The following DPP10 variants were observed in gnomAD, a reference collection of about 807,000 sequenced individuals.
DPP10 encodes dipeptidyl peptidase like 10, also known as inactive dipeptidyl peptidase 10.
A neutral mutation model predicts 120.9 loss-of-function variants in DPP10; 33 were observed. That is an observed-to-expected ratio of 0.27 (90% CI 0.21 to 0.37). The LOEUF (loss-of-function observed/expected upper bound fraction) is 0.37, where lower values mean the gene tolerates loss of function less well. Among genes scored for constraint, DPP10 ranks in the 10% least tolerant of loss-of-function variants. DPP10 has a pLI of 1.00. For missense variants in DPP10, 816 were observed against 942.8 expected, an observed-to-expected ratio of 0.87 and a Z score of 1.76; for synonymous variants, 337 against 326.1, an observed-to-expected ratio of 1.03 and a Z score of -0.36.
intron 19 of DPP10, among the ~76,000 whole-genome samples, chr2:115,808,921 A>G (rs1450498147): frequency 6.6e-6 from 1 of 152,214 alleles, no homozygotes; most frequent in Non-Finnish European, 1.5e-5. Context: ...TGGTAGCGGC[A>G]TGAACAACCT....
At chr2:115,827,407 TG>T (rs1688453139) in intron 21 of DPP10, among the ~76,000 whole-genome samples, 1 of 30,654 alleles carries the variant, frequency 3.3e-5, no homozygotes, top group East Asian at 2.5e-3. Context: ...TGTGTGTATG[TG>T]TGTGTGTATA....
At position 115,289,502 on chromosome 2, in the gene DPP10, A is replaced by AG. The variant is rs1453394457; in HGVS notation, c.61-19737_61-19736insG. On this transcript the variant is annotated intron_variant, in intron 1 of 25. Coordinates refer to ENST00000410059, the MANE Select transcript of DPP10 (RefSeq NM_020868.6). Reference sequence around the variant, plus strand: ...TAAGAAACCAAAAAAAAAAAAAAAAAAAGGAAGAAAAGAAAAGAAAAAAGA... The same window carrying AG: ...TAAGAAACCAAAAAAAAAAAAAAAAAGAAGGAAGAAAAGAAAAGAAAAAAGA... 1.5e-3 allele frequency among the ~76,000 whole-genome samples: 176 copies of AG among 117,916 alleles called. 2 individuals carry two copies. The highest frequency in any genetic ancestry group is 5.2e-3 in the African/African-American group (146 of 28,044). 77.4% of individuals were successfully genotyped at this position (117,916 alleles called of 152,430 possible). A position where few individuals can be genotyped will look rare whatever the true frequency, so the allele number is the denominator to read the frequency against.
chr2:115,269,200 A>T (rs2059589737), intron 1 of DPP10, among the ~76,000 whole-genome samples: 1 of 152,186 alleles, frequency 6.6e-6, no homozygotes, highest in African/African-American at 2.4e-5. Flanking sequence ...GGGATAAAGC[A>T]TTAACTGGTT....
chr2:115,122,221 T>A (rs2049860897), intron 1 of DPP10, among the ~76,000 whole-genome samples: 1 of 151,974 alleles, frequency 6.6e-6, no homozygotes, highest in Admixed American at 6.6e-5. Flanking sequence ...AATTAACCAT[T>A]TGTGAAGATA....
chr2:115,678,281 G>A (rs2149464312), intron 5 of DPP10, among the ~76,000 whole-genome samples: 1 of 152,308 alleles, frequency 6.6e-6, no homozygotes, highest in African/African-American at 2.4e-5. Context: ...GGAGGCTTAG[G>A]AGGAAAAAAT....
intron 5 of DPP10, among the ~76,000 whole-genome samples, chr2:115,575,605 A>G (rs1268532004): frequency 6.6e-6 from 1 of 152,224 alleles, no homozygotes; most frequent in Non-Finnish European, 1.5e-5. Context: ...ATACATCACC[A>G]GCTCAGGATC....
At chr2:114,842,703 T>G (rs1688254010) in intron 1 of DPP10, among the ~76,000 whole-genome samples, 1 of 152,160 alleles carries the variant, frequency 6.6e-6, no homozygotes, top group Non-Finnish European at 1.5e-5. Flanking sequence ...ATGTATTTTA[T>G]TCACTGAAAG....
At chr2:115,674,476 G>A (rs1404756856) in intron 5 of DPP10, among the ~76,000 whole-genome samples, 1 of 151,196 alleles carries the variant, frequency 6.6e-6, no homozygotes, top group African/African-American at 2.4e-5. Flanking sequence ...TTACATGCTT[G>A]TGACATGTAT....
intron 1 of DPP10, among the ~76,000 whole-genome samples, chr2:114,761,920 G>A (rs1286021719): frequency 6.6e-6 from 1 of 152,044 alleles, no homozygotes; most frequent in Non-Finnish European, 1.5e-5. Flanking sequence ...TCCTCTCTTG[G>A]ATATTAATAG....
chr2:114,539,832 C>T (rs951215440), intron 1 of DPP10, among the ~76,000 whole-genome samples: 52 of 152,198 alleles, frequency 3.4e-4, no homozygotes, highest in African/African-American at 1.1e-3. Context: ...TATATGTAGT[C>T]TTCTAAAGCA....
intron 3 of DPP10, among the ~76,000 whole-genome samples, chr2:115,355,823 C>T (rs927468558): frequency 6.6e-6 from 1 of 152,126 alleles, no homozygotes; most frequent in Non-Finnish European, 1.5e-5. Context: ...ATCCTTTCCC[C>T]ATTGCTTATT....
At chr2:115,803,463 AT>A (rs1285838010) in intron 19 of DPP10, among the ~76,000 whole-genome samples, 2 of 152,090 alleles carry the variant, frequency 1.3e-5, no homozygotes, top group Non-Finnish European at 2.9e-5. Context: ...TGTGAATTTG[AT>A]CCTGTCATTA....
rs1450855901 is a variant in DPP10 at position 115,791,067 on chromosome 2, T to G, written c.1532-14T>G. On this transcript the variant is annotated splice_polypyrimidine_tract_variant and intron_variant, in intron 17 of 25. Transcript: ENST00000410059. ...TAGGGGTTAGCTATTTACACTACCCTTTTTGGTTTACAGAATATTTTATAT... is the reference window on the plus strand; with the variant it reads ...TAGGGGTTAGCTATTTACACTACCCGTTTTGGTTTACAGAATATTTTATAT... 1 of 1,596,650 alleles carries G rather than the reference T, an allele frequency of 6.3e-7. No homozygotes were observed. Among genetic ancestry groups the G allele is most frequent in the Non-Finnish European group, 8.6e-7 (1 of 1,167,956 alleles).
At chr2:115,573,426 G>T (rs1317292919) in intron 5 of DPP10, among the ~76,000 whole-genome samples, 1 of 150,976 alleles carries the variant, frequency 6.6e-6, no homozygotes, top group East Asian at 2.0e-4. Flanking sequence ...GGGACTACAG[G>T]CGCCCGCCAC....
chr2:115,428,440 T>C (rs1366760808), intron 3 of DPP10, among the ~76,000 whole-genome samples: 2 of 152,178 alleles, frequency 1.3e-5, no homozygotes, highest in Non-Finnish European at 2.9e-5. Context: ...TGTACAAGCA[T>C]AGTGCTTGCG....
chr2:115,666,199 T>C (rs1225115076), intron 5 of DPP10, among the ~76,000 whole-genome samples: 1 of 152,168 alleles, frequency 6.6e-6, no homozygotes, highest in African/African-American at 2.4e-5. Flanking sequence ...ATTTTCATGC[T>C]GCTATGAAGC....
intron 1 of DPP10, among the ~76,000 whole-genome samples, chr2:114,723,579 A>G (rs1701847764): frequency 1.3e-5 from 2 of 152,230 alleles, no homozygotes; most frequent in Non-Finnish European, 2.9e-5. Context: ...GGATTAAAGC[A>G]CATCAATCTA....
At chr2:115,802,355 A>G (rs1399342431) in intron 19 of DPP10, among the ~76,000 whole-genome samples, 4 of 151,912 alleles carry the variant, frequency 2.6e-5, no homozygotes, top group Non-Finnish European at 4.4e-5. Flanking sequence ...CGGTCTATCA[A>G]TTTTGTTGAT....
intron 8 of DPP10, 150 bp from the exon 9 acceptor site, chr2:115,739,589 C>T: frequency 2.5e-6 from 2 of 804,074 alleles, no homozygotes; most frequent in Non-Finnish European, 3.8e-6. Context: ...AAGGGTGACT[C>T]AGAATTAGAG....
Sources: gnomAD v4.1 joint callset for allele counts (sites outside exome capture counted in the v4.1 genomes callset) on GRCh38, gnomAD v4.1.1 for gene constraint, MANE v1.5 for transcripts, NCBI Gene and HGNC (gene_info 2026-07-23, HGNC 2026-07-21) for gene names.